The following LIPC variants were observed in gnomAD, a reference collection of about 807,000 sequenced individuals.
The protein encoded by LIPC is lipase C, hepatic type.
LIPC carries 44 observed loss-of-function variants against 50.7 expected under a neutral mutation model. That is an observed-to-expected ratio of 0.87 (90% CI 0.68 to 1.11). The LOEUF is 1.11. LIPC is among the 50% of genes most tolerant of loss of function. The pLI is 0.00. For synonymous variants in LIPC, 271 were observed against 256.4 expected (o/e 1.06, Z -0.54); for missense variants, 697 against 648.2 (o/e 1.08, Z -0.82).
intron 1 of LIPC, among the ~76,000 whole-genome samples, chr15:58,440,548 G>T (rs1893469280): frequency 1.3e-5 from 2 of 152,190 alleles, no homozygotes; most frequent in Non-Finnish European, 2.9e-5. Flanking sequence ...GTACAAAAAT[G>T]AAAAAGCGTA....
chr15:58,469,295 A>AC (rs1894697511), intron 1 of LIPC, among the ~76,000 whole-genome samples: 1 of 151,898 alleles, frequency 6.6e-6, no homozygotes, highest in South Asian at 2.1e-4. Flanking sequence ...CACCATACCC[A>AC]CCCTAAGGAA....
At chr15:58,451,825 C>T (rs762713723) in intron 1 of LIPC, among the ~76,000 whole-genome samples, 11 of 152,188 alleles carry the variant, frequency 7.2e-5, no homozygotes, top group Non-Finnish European at 1.2e-4. Context: ...CCTGCTCACA[C>T]AGCTGTGGCT....
intron 8 of LIPC, chr15:58,565,708 T>C (rs1894342579): frequency 1.0e-6 from 1 of 996,978 alleles, no homozygotes; most frequent in South Asian, 4.5e-5. Context: ...CCTTCTTCCA[T>C]TAGTTTTGGT....
chr15:58,539,798 G>A (rs1254425076), intron 2 of LIPC, among the ~76,000 whole-genome samples: 1 of 152,054 alleles, frequency 6.6e-6, no homozygotes, highest in African/African-American at 2.4e-5. Flanking sequence ...TCTTGGTCTT[G>A]GCTTAGTCTG....
At chr15:58,524,468 C>A (rs1002423231) in intron 1 of LIPC, among the ~76,000 whole-genome samples, 2 of 152,188 alleles carry the variant, frequency 1.3e-5, no homozygotes, top group Admixed American at 1.3e-4. Context: ...GCAGGAAATG[C>A]TGAGTAAAGA....
chr15:58,494,474 A>G (rs80236249), intron 1 of LIPC, among the ~76,000 whole-genome samples: 2 of 152,338 alleles, frequency 1.3e-5, no homozygotes, highest in East Asian at 3.9e-4. Flanking sequence ...CTTACAGAAA[A>G]TGAGAATAAT....
At chr15:58,439,664 G>A (rs767108158) in intron 1 of LIPC, among the ~76,000 whole-genome samples, 5 of 152,124 alleles carry the variant, frequency 3.3e-5, no homozygotes, top group Non-Finnish European at 7.3e-5. Flanking sequence ...GGCTGGTCTC[G>A]AACTCTTGAC....
intron 1 of LIPC, among the ~76,000 whole-genome samples, chr15:58,441,004 A>AG (rs771094364): frequency 6.1e-4 from 93 of 152,254 alleles, no homozygotes; most frequent in Non-Finnish European, 1.2e-3. Flanking sequence ...ACCACTGATG[A>AG]GGGGGGTTGT....
chr15:58,551,616 C>A (rs867178473), intron 6 of LIPC, among the ~76,000 whole-genome samples: 7 of 152,186 alleles, frequency 4.6e-5, no homozygotes, highest in Non-Finnish European at 8.8e-5. Context: ...CCATCACAAC[C>A]GTGATCATAA....
chr15:58,559,752 T>G (rs1210117967), intron 6 of LIPC, among the ~76,000 whole-genome samples: 20 of 150,566 alleles, frequency 1.3e-4, no homozygotes, highest in Admixed American at 1.3e-3. Flanking sequence ...AAGCCAATCC[T>G]GGTCTGGAAG....
intron 1 of LIPC, among the ~76,000 whole-genome samples, chr15:58,529,904 G>C (rs1892906792): frequency 2.6e-5 from 4 of 152,196 alleles, no homozygotes; most frequent in Admixed American, 2.0e-4. Context: ...TGGTTGGAGT[G>C]GGAGAAGGGC....
intron 1 of LIPC, among the ~76,000 whole-genome samples, chr15:58,510,209 T>C (rs889162595): frequency 6.6e-6 from 1 of 152,198 alleles, no homozygotes; most frequent in African/African-American, 2.4e-5. Context: ...ATGTCTTCAG[T>C]TGTAAGGTCC....
At chr15:58,490,497 G>A (rs1264327867) in intron 1 of LIPC, among the ~76,000 whole-genome samples, 6 of 152,084 alleles carry the variant, frequency 3.9e-5, no homozygotes, top group East Asian at 1.9e-4. Flanking sequence ...GGCGCCGTTC[G>A]CGGGATAATT....
intron 1 of LIPC, among the ~76,000 whole-genome samples, chr15:58,509,321 G>A (rs538913987): frequency 1.3e-5 from 2 of 152,166 alleles, no homozygotes; most frequent in African/African-American, 2.4e-5. Flanking sequence ...TAGGTATTCC[G>A]AAACTCTCAG....
intron 1 of LIPC, among the ~76,000 whole-genome samples, chr15:58,454,091 G>A (rs1894018355): frequency 6.6e-6 from 1 of 152,156 alleles, no homozygotes; most frequent in Non-Finnish European, 1.5e-5. Context: ...ACATGCAGAG[G>A]TGATGGCAAG....
At chr15:58,432,862 G>A (rs895375799) in intron 1 of LIPC, among the ~76,000 whole-genome samples, 4 of 152,192 alleles carry the variant, frequency 2.6e-5, no homozygotes, top group Admixed American at 2.0e-4. Flanking sequence ...TACTGGTCAG[G>A]AGCTAGTAAC....
intron 1 of LIPC, among the ~76,000 whole-genome samples, chr15:58,512,329 C>T (rs1012536872): frequency 3.9e-5 from 6 of 152,188 alleles, no homozygotes; most frequent in Admixed American, 1.3e-4. Context: ...GAACTCCTGA[C>T]GTCAGGTCAT....
chr15:58,481,975 C>A (rs529857223), intron 1 of LIPC, among the ~76,000 whole-genome samples: 3 of 152,222 alleles, frequency 2.0e-5, no homozygotes, highest in Admixed American at 1.3e-4. Flanking sequence ...ACAATAGCAA[C>A]GGCTGACTTG....
intron 1 of LIPC, among the ~76,000 whole-genome samples, chr15:58,468,589 G>A (rs1344187794): frequency 6.6e-6 from 1 of 152,174 alleles, no homozygotes; most frequent in African/African-American, 2.4e-5. Context: ...GAGTTAAGCT[G>A]TCCAACCCTG....
Sources: allele counts gnomAD v4.1 joint callset (sites outside exome capture counted in the v4.1 genomes callset), GRCh38; gene constraint gnomAD v4.1.1; transcripts MANE v1.5; gene names NCBI Gene and HGNC (gene_info 2026-07-23, HGNC 2026-07-21).